NAP1L1: variants seen among roughly 807,000 people sequenced by gnomAD.
NAP1L1 encodes nucleosome assembly protein 1 like 1, also known as nucleosome assembly protein 1-like 1.
A neutral mutation model predicts 58.9 loss-of-function variants in NAP1L1; 9 were observed. The observed-to-expected ratio is 0.15, with a 90% CI of 0.09 to 0.27. The LOEUF (loss-of-function observed/expected upper bound fraction) is 0.27. NAP1L1 is among the 10% of genes least tolerant of loss of function. The probability of loss-of-function intolerance (pLI) is 1.00; values close to 1 mark genes in which losing one functional copy is unlikely to be tolerated. For missense variants in NAP1L1, 302 were observed against 458.8 expected (o/e 0.66, Z 3.12); for synonymous variants, 130 against 138.3 (o/e 0.94, Z 0.42).
intron 13 of NAP1L1, 193 bp from the exon 14 acceptor site, chr12:76,049,443 A>G (rs1358864125): frequency 6.5e-7 from 1 of 1,535,712 alleles, no homozygotes; most frequent in Non-Finnish European, 8.7e-7. Flanking sequence ...AGACATCCAG[A>G]CAGCTTTTAT....
At chr12:76,050,461 T>C in intron 12 of NAP1L1, 70 bp downstream of exon 12, 1 of 1,506,184 alleles carries the variant, frequency 6.6e-7, no homozygotes, top group Non-Finnish European at 8.8e-7. Context: ...AAAACTAAAC[T>C]AATCTATTAC....
At chr12:76,083,933 TACC>T (rs1950506375) in intron 1 of NAP1L1, 1 of 152,152 alleles carries the variant, frequency 6.6e-6, no homozygotes, top group African/African-American at 2.4e-5. Flanking sequence ...TGAAGCCCAT[TACC>T]ACGTGTGGAG....
intron 12 of NAP1L1, 21 bp from the exon 13 acceptor site, chr12:76,049,806 T>TA (rs779920079): frequency 6.2e-7 from 1 of 1,612,210 alleles, no homozygotes; most frequent in Non-Finnish European, 8.5e-7. Flanking sequence ...AAAACAGCGT[T>TA]AAGTGTTGAG....
chr12:76,058,191 C>CTTCATATATATTCATATATATATATA (rs1243475241), intron 6 of NAP1L1: 2 of 315,390 alleles, frequency 6.3e-6, no homozygotes, highest in African/African-American at 8.9e-5. Context: ...GGAGAGAGGC[C>CTTCATATATATTCATATATATATATA]TACATATATA....
intron 3 of NAP1L1, 29 bp downstream of exon 3, chr12:76,068,880 C>G: frequency 6.5e-7 from 1 of 1,529,018 alleles, no homozygotes; most frequent in East Asian, 2.3e-5. Flanking sequence ...CCAGCAATCA[C>G]TGGCTCCTGA....
chr12:76,052,051 CTTCTATGATACTAAACAATGATACAAG>C, intron 11 of NAP1L1, among the ~76,000 whole-genome samples: 1 of 151,906 alleles, frequency 6.6e-6, no homozygotes, highest in Non-Finnish European at 1.5e-5. Context: ...AATAATCCCA[CTTCTATGATACTAAACAATGATACAAG>C]TTCTATGATA....
chr12:76,080,534 T>A (rs1340996625), intron 1 of NAP1L1, among the ~76,000 whole-genome samples: 1 of 152,180 alleles, frequency 6.6e-6, no homozygotes, highest in Non-Finnish European at 1.5e-5. Flanking sequence ...TTTGTGTAAA[T>A]ACATTCTATG....
chr12:76,082,242 C>T (rs889372745), intron 1 of NAP1L1, among the ~76,000 whole-genome samples: 4 of 152,112 alleles, frequency 2.6e-5, no homozygotes, highest in Admixed American at 2.6e-4. Flanking sequence ...ACAAAAAGAC[C>T]CTTAGTTTTG....
intron 8 of NAP1L1, among the ~76,000 whole-genome samples, chr12:76,054,292 A>G (rs1001013615): frequency 6.6e-6 from 1 of 152,126 alleles, no homozygotes; most frequent in East Asian, 1.9e-4. Context: ...GGCCTCCCAA[A>G]GTGCTGGGAT....
At chr12:76,082,657 A>G (rs1272753652) in intron 1 of NAP1L1, among the ~76,000 whole-genome samples, 4 of 152,234 alleles carry the variant, frequency 2.6e-5, no homozygotes, top group African/African-American at 9.6e-5. Flanking sequence ...TAAACTATAG[A>G]TTTAGGCCAT....
rs777014771 is a variant in NAP1L1, at chr12:76,049,426, C to T, written c.1090-176G>A. ...TTCTAATATGAAAAATTTCCCAACA[C>T]AACTTGAGACATCCAGACAGCTTTT... On this transcript the variant is annotated intron_variant, in intron 13 of 14. Transcript: ENST00000618691. 5 of 1,534,284 alleles carry T rather than the reference C, an allele frequency of 3.3e-6. No homozygotes were observed. In the South Asian group the frequency reaches 4.8e-5, roughly 15 times the overall value.
intron 6 of NAP1L1, among the ~76,000 whole-genome samples, chr12:76,058,988 C>A (rs1949277522): frequency 6.6e-6 from 1 of 152,116 alleles, no homozygotes; most frequent in Non-Finnish European, 1.5e-5. Context: ...ATACTAAAAG[C>A]CTTAAAACCA....
chr12:76,061,320 C>T (rs1018664845), intron 4 of NAP1L1, among the ~76,000 whole-genome samples: 2 of 152,124 alleles, frequency 1.3e-5, no homozygotes, highest in African/African-American at 2.4e-5. Context: ...CTGTTGTTTC[C>T]TTCTTTGTGT....
chr12:76,062,031 C>A (rs1395487970), intron 4 of NAP1L1, among the ~76,000 whole-genome samples: 1 of 152,142 alleles, frequency 6.6e-6, no homozygotes, highest in East Asian at 1.9e-4. Context: ...GAGGGAATGG[C>A]CACAGCAGGT....
intron 14 of NAP1L1, among the ~76,000 whole-genome samples, chr12:76,048,710 A>T (rs1015133016): frequency 2.0e-5 from 3 of 152,118 alleles, no homozygotes; most frequent in African/African-American, 7.2e-5. Flanking sequence ...TTAAAAAAAT[A>T]AAGTTACCAA....
At chr12:76,052,619 T>C (rs1428213974) in intron 11 of NAP1L1, among the ~76,000 whole-genome samples, 1 of 152,202 alleles carries the variant, frequency 6.6e-6, no homozygotes, top group Non-Finnish European at 1.5e-5. Context: ...GTATAGACTT[T>C]CTTTAAGGTT....
rs774750535 is a variant in NAP1L1 at position 76,039,114 on chromosome 12, T to C, written c.*9315A>G. On this transcript the variant is annotated 3_prime_UTR_variant, in exon 15 of 15. Transcript: ENST00000618691. The stretch of plus-strand genomic sequence containing the variant: ...TTCCAGGATATCCTTGATCAAATAA[T>C]CCTTTTCTAAATCAACTTATTTCGA... 7 of 152,232 alleles carry C rather than the reference T, an allele frequency of 4.6e-5. No homozygotes were observed. The highest frequency in any genetic ancestry group is 7.3e-5 in the Non-Finnish European group (5 of 68,040). 9.4% of individuals were successfully genotyped at this position (152,232 alleles called of 1,614,324 possible).
chr12:76,049,822 G>A (rs754546361), intron 12 of NAP1L1, 37 bp from the exon 13 acceptor site: 1 of 1,608,152 alleles, frequency 6.2e-7, no homozygotes, highest in Admixed American at 1.7e-5. Context: ...TTGAGTGAAT[G>A]TAACACACAT....
chr12:76,042,691 C>CATGT lies in NAP1L1; in HGVS notation c.*5734_*5737dup, dbSNP rs1160240757. The CATGT allele has an allele frequency of 2.0e-5, 3 of 152,100 alleles. No individual in the cohort carries two copies. The highest frequency in any genetic ancestry group is 4.4e-5 in the Non-Finnish European group (3 of 68,024). The allele number at this position is 152,100 out of a possible 1,614,324, so 9.4% of individuals were successfully genotyped here. ...CACTGTGCGTTCAGTTTTTATGATACATGTACAAATTTTCTTTCACCTGAA... is the reference window on the plus strand; with the variant it reads ...CACTGTGCGTTCAGTTTTTATGATACATGTATGTACAAATTTTCTTTCACCTGAA... On this transcript the variant is annotated 3_prime_UTR_variant, in exon 15 of 15. Transcript: ENST00000618691.
Sources: allele counts gnomAD v4.1 joint callset (sites outside exome capture counted in the v4.1 genomes callset), GRCh38; gene constraint gnomAD v4.1.1; transcripts MANE v1.5; gene names NCBI Gene and HGNC (gene_info 2026-07-23, HGNC 2026-07-21).